Variants in CYP7B1 observed in about 807,000 individuals in gnomAD.
CYP7B1 encodes cytochrome P450 7B1.
A neutral mutation model predicts 42.7 loss-of-function variants in CYP7B1; 29 were observed. The ratio of observed to expected loss-of-function variants is 0.68; its 90% CI spans 0.51 to 0.93. The LOEUF (loss-of-function observed/expected upper bound fraction) is 0.93, where lower values mean the gene tolerates loss of function less well. Among genes scored for constraint, CYP7B1 ranks in the 40% least tolerant of loss-of-function variants. The probability of loss-of-function intolerance (pLI) is 0.00; values close to 1 mark genes in which losing one functional copy is unlikely to be tolerated. For missense variants in CYP7B1, 655 were observed against 600.5 expected (o/e 1.09, Z -0.95); for synonymous variants, 235 against 218.2 (o/e 1.08, Z -0.68).
intron 5 of CYP7B1, among the ~76,000 whole-genome samples, chr8:64,597,198 A>G (rs1242389657): frequency 6.6e-6 from 1 of 152,180 alleles, no homozygotes. Flanking sequence ...TGAGCTTCCC[A>G]AGTAGAGTGG....
intron 1 of CYP7B1, among the ~76,000 whole-genome samples, chr8:64,684,221 G>A (rs578180111): frequency 6.6e-6 from 1 of 152,338 alleles, no homozygotes; most frequent in Non-Finnish European, 1.5e-5. Flanking sequence ...CTATGTATGA[G>A]TAAGATGACA....
chr8:64,747,849 T>C (rs774707403), intron 1 of CYP7B1, among the ~76,000 whole-genome samples: 33 of 152,104 alleles, frequency 2.2e-4, no homozygotes, highest in Non-Finnish European at 4.3e-4. Context: ...TCATCACCAT[T>C]GTCATATTGT....
intron 1 of CYP7B1, among the ~76,000 whole-genome samples, chr8:64,749,104 G>A (rs917828807): frequency 7.3e-5 from 11 of 150,204 alleles, no homozygotes; most frequent in Non-Finnish European, 1.3e-4. Context: ...TTTTTGAGAC[G>A]GAGTCTTGCT....
intron 5 of CYP7B1, among the ~76,000 whole-genome samples, chr8:64,601,519 CAGAAA>C (rs1409940266): frequency 6.6e-6 from 1 of 152,094 alleles, no homozygotes; most frequent in Non-Finnish European, 1.5e-5. Flanking sequence ...TGCATTGTGG[CAGAAA>C]AGAAATCATC....
At chr8:64,662,205 C>A (rs1256438065) in intron 1 of CYP7B1, among the ~76,000 whole-genome samples, 1 of 152,116 alleles carries the variant, frequency 6.6e-6, no homozygotes, top group Non-Finnish European at 1.5e-5. Context: ...CAGTGGTATG[C>A]ACTTGTAGTC....
chr8:64,773,963 G>A (rs550258898), intron 1 of CYP7B1, among the ~76,000 whole-genome samples: 1 of 152,316 alleles, frequency 6.6e-6, no homozygotes, highest in South Asian at 2.1e-4. Context: ...TAAGTCATAC[G>A]TAAGGGAAGT....
intron 1 of CYP7B1, among the ~76,000 whole-genome samples, chr8:64,736,429 A>C (rs1807488789): frequency 6.6e-6 from 1 of 152,124 alleles, no homozygotes. Context: ...CTTTAGTCAA[A>C]AACTAACCCA....
intron 1 of CYP7B1, among the ~76,000 whole-genome samples, chr8:64,711,627 G>A (rs1270397334): frequency 6.6e-6 from 1 of 152,208 alleles, no homozygotes; most frequent in Non-Finnish European, 1.5e-5. Flanking sequence ...TCTTCAGAAA[G>A]CTAGTTAAGT....
chr8:64,621,270 C>G (rs938915998), intron 2 of CYP7B1, among the ~76,000 whole-genome samples: 4 of 152,110 alleles, frequency 2.6e-5, no homozygotes, highest in Non-Finnish European at 5.9e-5. Context: ...AATAGAGAAG[C>G]TAACAGAATA....
intron 1 of CYP7B1, among the ~76,000 whole-genome samples, chr8:64,747,448 C>CATA (rs1807661146): frequency 6.6e-6 from 1 of 151,166 alleles, no homozygotes; most frequent in Non-Finnish European, 1.5e-5. Flanking sequence ...TGACCAAAAG[C>CATA]CTTACCAATA....
intron 1 of CYP7B1, among the ~76,000 whole-genome samples, chr8:64,731,934 T>A (rs1161184427): frequency 3.3e-5 from 5 of 152,108 alleles, no homozygotes; most frequent in Non-Finnish European, 5.9e-5. Context: ...AGAACTGAGG[T>A]TGGGGAACCT....
chr8:64,712,057 A>G (rs554764153), intron 1 of CYP7B1, among the ~76,000 whole-genome samples: 2 of 152,238 alleles, frequency 1.3e-5, no homozygotes, highest in Non-Finnish European at 2.9e-5. Flanking sequence ...CTAACACAGC[A>G]CTGGCACATG....
chr8:64,686,336 G>A (rs1806644432), intron 1 of CYP7B1, among the ~76,000 whole-genome samples: 1 of 39,156 alleles, frequency 2.6e-5, no homozygotes. Context: ...GGGCGCCTCT[G>A]CCCGGCCGCC....
Position 64,593,462 on chromosome 8 carries a change from C to A in CYP7B1, c.*3180G>T, listed in dbSNP as rs543426383. Among the ~76,000 whole-genome samples, 1 of 152,048 alleles carries A rather than the reference C, an allele frequency of 6.6e-6. No individual in the cohort carries two copies. The highest frequency in any genetic ancestry group is 1.5e-5 in the Non-Finnish European group (1 of 68,008). ...CCCCCAAATGTGTCCCCTGTCTATT[C>A]CTAATAAAATGGTTGCATTCTACCT... is the stretch of plus-strand genomic sequence containing the variant. On this transcript the variant is annotated 3_prime_UTR_variant, in exon 6 of 6. Transcript: ENST00000310193.
chr8:64,605,057 G>A (rs750791234), intron 4 of CYP7B1, among the ~76,000 whole-genome samples, 200 bp from the exon 5 acceptor site: 1 of 152,168 alleles, frequency 6.6e-6, no homozygotes. Context: ...CTCCAGCAAG[G>A]CTTGGGGGCA....
At chr8:64,665,890 A>G (rs1242096441) in intron 1 of CYP7B1, among the ~76,000 whole-genome samples, 1 of 152,038 alleles carries the variant, frequency 6.6e-6, no homozygotes, top group East Asian at 1.9e-4. Context: ...TTTTAATAAG[A>G]TCTCTTGGCA....
At chr8:64,647,203 C>A (rs747797442) in intron 1 of CYP7B1, among the ~76,000 whole-genome samples, 5 of 152,046 alleles carry the variant, frequency 3.3e-5, no homozygotes, top group South Asian at 2.1e-4. Flanking sequence ...CAACATTTAC[C>A]GATTAAGCTC....
chr8:64,787,238 A>AT (rs1462474711), intron 1 of CYP7B1, among the ~76,000 whole-genome samples: 1 of 136,934 alleles, frequency 7.3e-6, no homozygotes, highest in Non-Finnish European at 1.5e-5. Flanking sequence ...TTTCTCTAAA[A>AT]TGTTTTTTCT....
intron 1 of CYP7B1, among the ~76,000 whole-genome samples, chr8:64,652,251 T>G (rs934427809): frequency 3.3e-5 from 5 of 152,192 alleles, no homozygotes; most frequent in Admixed American, 1.3e-4. Flanking sequence ...CTGGTTATAG[T>G]ATTTTATTAG....
Sources: gnomAD v4.1 joint callset for allele counts (sites outside exome capture counted in the v4.1 genomes callset) on GRCh38, gnomAD v4.1.1 for gene constraint, MANE v1.5 for transcripts, NCBI Gene and HGNC (gene_info 2026-07-23, HGNC 2026-07-21) for gene names.